GSE1: variants seen among roughly 807,000 people sequenced by gnomAD.
The protein encoded by GSE1 is Gse1 coiled-coil protein.
GSE1 carries 32 observed loss-of-function variants against 112.6 expected under a neutral mutation model. The ratio of observed to expected loss-of-function variants is 0.28; its 90% CI spans 0.21 to 0.38. GSE1 has a LOEUF of 0.38. Ranked by LOEUF, GSE1 falls within the 10% of genes least tolerant of loss-of-function variation. GSE1 has a pLI of 1.00. For missense variants in GSE1, 2,348 were observed against 1,699.2 expected (o/e 1.38, Z -6.71); for synonymous variants, 1,115 against 735.6 (o/e 1.52, Z -8.35).
chr16:85,464,205 CAG>C (rs1034374811), intron 2 of GSE1, among the ~76,000 whole-genome samples: 14 of 152,046 alleles, frequency 9.2e-5, no homozygotes, highest in East Asian at 1.9e-4. Context: ...TTTGAAAACT[CAG>C]GGGGAGAAAG....
In GSE1 at chr16:85,665,982, C is replaced by T; in HGVS notation, c.2765C>T (p.Ala922Val). ...TTCACTTTGTCTCTAAAAGAACCAG[C>T]CACGCAGCAAGCCTCTCTGGATGTG... is the stretch of plus-strand genomic sequence containing the variant. ...DSPAVSLSEP[A>V]TQQASLDVEK... The change falls in exon 13 of 16, where the codon GCC becomes GTC. Residue 922 changes from alanine to valine, a missense_variant. By Grantham distance (64) the Ala-to-Val change is moderately conservative (BLOSUM62 0). Transcript: ENST00000253458. 5.0e-6 allele frequency: 8 copies of T among 1,613,008 alleles called. No homozygotes were observed. The highest frequency in any genetic ancestry group is 6.8e-6 in the Non-Finnish European group (8 of 1,179,804).
intron 1 of GSE1, among the ~76,000 whole-genome samples, chr16:85,557,952 C>A (rs1196430304): frequency 6.6e-6 from 1 of 152,016 alleles, no homozygotes; most frequent in Non-Finnish European, 1.5e-5. Flanking sequence ...CGTTTCCATT[C>A]CATTCTTGAT....
intron 1 of GSE1, among the ~76,000 whole-genome samples, chr16:85,242,175 C>T (rs1905220491): frequency 2.0e-5 from 3 of 152,286 alleles, no homozygotes; most frequent in Middle Eastern, 3.4e-3. Context: ...TGCAGAGGCC[C>T]TCGCTTCCTC....
At chr16:85,322,240 T>G (rs1056255886) in intron 1 of GSE1, among the ~76,000 whole-genome samples, 3 of 135,886 alleles carry the variant, frequency 2.2e-5, no homozygotes, top group Non-Finnish European at 4.7e-5. Flanking sequence ...CTGCCATCCC[T>G]GGAGGCCAGT....
At chr16:85,487,825 G>A (rs1012650562) in intron 2 of GSE1, among the ~76,000 whole-genome samples, 4 of 152,328 alleles carry the variant, frequency 2.6e-5, no homozygotes, top group African/African-American at 9.6e-5. Flanking sequence ...GACCTTGCAC[G>A]GTTAACGTGC....
At chr16:85,281,015 G>A (rs2044841811) in intron 1 of GSE1, among the ~76,000 whole-genome samples, 2 of 152,176 alleles carry the variant, frequency 1.3e-5, no homozygotes, top group Admixed American at 6.5e-5. Context: ...GCCGCCCCAT[G>A]TCTCTGATGG....
chr16:85,313,348 G>A (rs543013547), intron 1 of GSE1, among the ~76,000 whole-genome samples: 16 of 152,208 alleles, frequency 1.1e-4, no homozygotes, highest in South Asian at 4.1e-4. Flanking sequence ...CTTGTCCAGC[G>A]TGATTCCGTG....
At chr16:85,660,394 C>A (rs369538695) in intron 8 of GSE1, among the ~76,000 whole-genome samples, 1 of 152,068 alleles carries the variant, frequency 6.6e-6, no homozygotes, top group Non-Finnish European at 1.5e-5. Flanking sequence ...CCCAGCACTT[C>A]GGGAGGCCAA....
At chr16:85,563,551 C>T (rs532710291) in intron 1 of GSE1, among the ~76,000 whole-genome samples, 7 of 152,274 alleles carry the variant, frequency 4.6e-5, no homozygotes, top group Admixed American at 2.0e-4. Context: ...AAGCCAGGTC[C>T]AGGTCTTATC....
intron 1 of GSE1, among the ~76,000 whole-genome samples, chr16:85,615,120 C>G (rs181388562): frequency 1.0e-3 from 156 of 152,312 alleles, no homozygotes; most frequent in African/African-American, 3.7e-3. Flanking sequence ...TGGGGCACTT[C>G]AGTGTTGCTC....
chr16:85,635,574 T>C (rs976554237), intron 2 of GSE1, among the ~76,000 whole-genome samples: 2 of 152,156 alleles, frequency 1.3e-5, no homozygotes, highest in Non-Finnish European at 2.9e-5. Context: ...GAGTCGAGAC[T>C]CGGGCTCTCC....
chr16:85,653,865 G>A (rs1376755624), intron 3 of GSE1, among the ~76,000 whole-genome samples: 3 of 152,166 alleles, frequency 2.0e-5, no homozygotes, highest in Non-Finnish European at 4.4e-5. Flanking sequence ...CTCGCTTCAC[G>A]GCGTGCTGGG....
At chr16:85,440,992 G>A (rs1236951152) in intron 2 of GSE1, among the ~76,000 whole-genome samples, 1 of 152,188 alleles carries the variant, frequency 6.6e-6, no homozygotes, top group Non-Finnish European at 1.5e-5. Flanking sequence ...GCCAGCTCCC[G>A]GGAGGCCAAC....
chr16:85,236,526 G>C (rs1039846679), intron 1 of GSE1, among the ~76,000 whole-genome samples: 6 of 152,200 alleles, frequency 3.9e-5, no homozygotes, highest in African/African-American at 1.4e-4. Context: ...CATAGGCCTG[G>C]GTGTGGGTAC....
At chr16:85,383,551 C>G (rs1406761993) in intron 2 of GSE1, among the ~76,000 whole-genome samples, 4 of 144,980 alleles carry the variant, frequency 2.8e-5, no homozygotes, top group Non-Finnish European at 6.0e-5. Flanking sequence ...CTCTCTCTCT[C>G]TCTCTCTCTC....
intron 1 of GSE1, among the ~76,000 whole-genome samples, chr16:85,596,329 G>C (rs2047225749): frequency 6.6e-6 from 1 of 152,166 alleles, no homozygotes; most frequent in African/African-American, 2.4e-5. Context: ...CCGGGGAGGA[G>C]CAGTGTTCTC....
chr16:85,432,895 C>T (rs768215399), intron 2 of GSE1, among the ~76,000 whole-genome samples: 1 of 152,198 alleles, frequency 6.6e-6, no homozygotes, highest in Non-Finnish European at 1.5e-5. Context: ...CAGCTCTATA[C>T]GGGTCATCCT....
In GSE1 at chr16:85,666,149, G is replaced by A. The variant is rs115161876; in HGVS notation, c.2932G>A (p.Glu978Lys). ...PASGEKARLS[E>K]APGGKKSLSM... ...CAGCGGGGAGAAGGCCAGGCTGAGC[G>A]AGGCCCCTGGAGGCAAAAAGAGTCT... Residue 978 changes from glutamate (E) to lysine (K), a missense_variant, in exon 13 of 16, where the codon GAG becomes AAG. Physicochemically the swap from Glu to Lys is moderately conservative, Grantham distance 56. Transcript: ENST00000253458. The A allele has an allele frequency of 8.2e-4, 1,323 of 1,613,352 alleles. 10 individuals are homozygous for A. The African/African-American group carries it at 0.015, about 18-fold the overall frequency.
chr16:85,555,925 G>A (rs2045187412), upstream of GSE1: 1 of 951,370 alleles, frequency 1.1e-6, no homozygotes. Context: ...CCTCTTCCCC[G>A]CCTGCTTCCC....
Sources: gnomAD v4.1 joint callset for allele counts (sites outside exome capture counted in the v4.1 genomes callset) on GRCh38, gnomAD v4.1.1 for gene constraint, MANE v1.5 for transcripts, NCBI Gene and HGNC (gene_info 2026-07-23, HGNC 2026-07-21) for gene names.